RBFOX1: variants seen among roughly 807,000 people sequenced by gnomAD.
The protein encoded by RBFOX1 is RNA binding fox-1 homolog 1.
A neutral mutation model predicts 57.7 loss-of-function variants in RBFOX1; 8 were observed. The observed-to-expected ratio is 0.14, with a 90% CI of 0.08 to 0.25. RBFOX1 has a LOEUF of 0.25. RBFOX1 is among the 10% of genes least tolerant of loss of function. RBFOX1 has a pLI of 1.00. For missense variants in RBFOX1, 611 were observed against 548.5 expected (o/e 1.11, Z -1.14); for synonymous variants, 326 against 222.4 (o/e 1.47, Z -4.15).
chr16:7,377,173 C>G (rs144393606), intron 4 of RBFOX1, among the ~76,000 whole-genome samples: 1 of 152,240 alleles, frequency 6.6e-6, no homozygotes, highest in South Asian at 2.1e-4. Flanking sequence ...AGATAAAATA[C>G]CAGTTTAAGG....
rs541474919 is a variant in RBFOX1, at chr16:7,561,494, G to A, written c.271-18283G>A. On this transcript the variant is annotated intron_variant, in intron 5 of 15. Transcript: ENST00000550418. ...AGAAATTAGCCTACTGAGAAACTCC[G>A]AAATATCCTGACTAGTGTCAATTTG... Among the ~76,000 whole-genome samples, 8 of 152,296 alleles carry A rather than the reference G, an allele frequency of 5.3e-5. No homozygotes were observed. In the South Asian group the frequency reaches 1.2e-3, roughly 24 times the overall value.
intron 3 of RBFOX1, among the ~76,000 whole-genome samples, chr16:6,699,651 C>G (rs776420014): frequency 3.3e-5 from 5 of 152,132 alleles, no homozygotes; most frequent in Non-Finnish European, 7.3e-5. Context: ...CATCTGTCAA[C>G]CAGCCCCTGC....
chr16:6,076,561 G>T (rs1448450947), intron 1 of RBFOX1, among the ~76,000 whole-genome samples: 2 of 151,960 alleles, frequency 1.3e-5, no homozygotes, highest in African/African-American at 4.8e-5. Flanking sequence ...TCGATCTCCT[G>T]GCCTCAAGTG....
intron 3 of RBFOX1, among the ~76,000 whole-genome samples, chr16:7,024,100 A>G (rs566661209): frequency 6.6e-6 from 1 of 152,314 alleles, no homozygotes; most frequent in African/African-American, 2.4e-5. Flanking sequence ...CTTACTAAGA[A>G]TATACTTGTG....
At chr16:6,813,183 C>G (rs74007094) in intron 3 of RBFOX1, among the ~76,000 whole-genome samples, 10,962 of 151,926 alleles carry the variant, frequency 0.072, 519 homozygotes, top group African/African-American at 0.12. Flanking sequence ...CTTCCTATAA[C>G]AAAATTGTGA....
intron 3 of RBFOX1, among the ~76,000 whole-genome samples, chr16:5,684,393 G>C (rs1453003726): frequency 1.3e-5 from 2 of 152,168 alleles, no homozygotes; most frequent in African/African-American, 4.8e-5. Flanking sequence ...TGCTTCACCA[G>C]ACATGACCTA....
intron 4 of RBFOX1, among the ~76,000 whole-genome samples, chr16:7,309,312 C>G (rs1417197747): frequency 6.6e-6 from 1 of 152,222 alleles, no homozygotes; most frequent in Non-Finnish European, 1.5e-5. Flanking sequence ...TTTGGGGAAC[C>G]TATGGAGGGC....
chr16:7,091,128 C>G (rs2060778810), intron 4 of RBFOX1, among the ~76,000 whole-genome samples: 1 of 86,742 alleles, frequency 1.2e-5, no homozygotes, highest in Admixed American at 1.2e-4. Flanking sequence ...CTTTTCGTTT[C>G]TCTTTACTTT....
At chr16:6,240,525 T>G (rs1375897245) in intron 1 of RBFOX1, among the ~76,000 whole-genome samples, 2 of 152,002 alleles carry the variant, frequency 1.3e-5, no homozygotes, top group East Asian at 3.9e-4. Flanking sequence ...ACTCACTCTT[T>G]GGCACAATTT....
At chr16:7,586,094 G>C (rs759524841) in intron 6 of RBFOX1, among the ~76,000 whole-genome samples, 13 of 152,198 alleles carry the variant, frequency 8.5e-5, no homozygotes, top group Admixed American at 2.6e-4. Flanking sequence ...AAAGAGGATG[G>C]AAATATTTAT....
chr16:7,098,414 C>A (rs2062060490), intron 4 of RBFOX1, among the ~76,000 whole-genome samples: 1 of 152,184 alleles, frequency 6.6e-6, no homozygotes, highest in Non-Finnish European at 1.5e-5. Flanking sequence ...AAGTGATCCA[C>A]CTGCCTAGGC....
chr16:7,404,501 G>A (rs760090554), intron 4 of RBFOX1, among the ~76,000 whole-genome samples: 1 of 152,098 alleles, frequency 6.6e-6, no homozygotes, highest in Non-Finnish European at 1.5e-5. Context: ...TGAAGCACTT[G>A]GCATAAATGA....
intron 2 of RBFOX1, among the ~76,000 whole-genome samples, chr16:6,621,588 A>G (rs1323373897): frequency 6.6e-6 from 1 of 152,210 alleles, no homozygotes; most frequent in Non-Finnish European, 1.5e-5. Context: ...ATAAGGTCAC[A>G]TTCTCAGGTA....
intron 4 of RBFOX1, among the ~76,000 whole-genome samples, chr16:6,006,722 A>T (rs1644943381): frequency 6.6e-6 from 1 of 152,186 alleles, no homozygotes; most frequent in South Asian, 2.1e-4. Flanking sequence ...TTGGTCTTGG[A>T]TATGTGGAGA....
At position 7,710,837 on chromosome 16, in the gene RBFOX1, G is replaced by C. The variant is rs2083897521; in HGVS notation, c.*92G>C. On this transcript the variant is annotated 3_prime_UTR_variant, in exon 16 of 16. Coordinates refer to ENST00000550418, the MANE Select transcript of RBFOX1 (RefSeq NM_018723.4). ...ATACATGCAGTAGTACATCATTTTAGCAACTCTAAAAAAAAAAAAAATACA... is the reference window on the plus strand; with the variant it reads ...ATACATGCAGTAGTACATCATTTTACCAACTCTAAAAAAAAAAAAAATACA... 5.9e-6 allele frequency: 6 copies of C among 1,023,074 alleles called. No homozygotes were observed. The highest frequency in any genetic ancestry group is 4.6e-5 in the Admixed American group (1 of 21,906). 63.4% of individuals were successfully genotyped at this position (1,023,074 alleles called of 1,614,324 possible). A position where few individuals can be genotyped will look rare whatever the true frequency, so the allele number is the denominator to read the frequency against.
intron 3 of RBFOX1, among the ~76,000 whole-genome samples, chr16:6,747,127 C>T (rs8055635): frequency 0.82 from 125,088 of 152,148 alleles, 51,499 homozygotes; most frequent in Middle Eastern, 0.9. Context: ...TCTTACTGGT[C>T]GGCCAGGCGC....
chr16:6,607,649 T>G (rs12923178), intron 2 of RBFOX1, among the ~76,000 whole-genome samples: 31,361 of 151,798 alleles, frequency 0.21, 4,084 homozygotes, highest in Non-Finnish European at 0.29. Context: ...CCTCTCTCTT[T>G]CTGTCTTCTT....
chr16:7,002,846 A>C (rs2092950094), intron 3 of RBFOX1, among the ~76,000 whole-genome samples: 1 of 152,214 alleles, frequency 6.6e-6, no homozygotes, highest in African/African-American at 2.4e-5. Context: ...GGCTGATAGG[A>C]GTTTCTCTCA....
intron 2 of RBFOX1, among the ~76,000 whole-genome samples, chr16:6,575,354 C>G (rs909092545): frequency 2.0e-5 from 3 of 152,098 alleles, no homozygotes; most frequent in Non-Finnish European, 4.4e-5. Context: ...GTCCTCTCAA[C>G]ATTGTCTATA....
Sources: gnomAD v4.1 joint callset for allele counts (sites outside exome capture counted in the v4.1 genomes callset) on GRCh38, gnomAD v4.1.1 for gene constraint, MANE v1.5 for transcripts, NCBI Gene and HGNC (gene_info 2026-07-23, HGNC 2026-07-21) for gene names.